SH2D4A: variants seen among roughly 807,000 people sequenced by gnomAD.
SH2D4A encodes SH2 domain-containing protein 4A.
Under a neutral mutation model 64.7 loss-of-function variants are expected in SH2D4A, and 70 were observed. The observed-to-expected ratio is 1.08, with a 90% CI of 0.89 to 1.32. SH2D4A has a LOEUF of 1.32. Ranked by LOEUF, SH2D4A falls within the 40% of genes most tolerant of loss-of-function variation. SH2D4A has a pLI of 0.00. For missense variants in SH2D4A, 706 were observed against 540.1 expected (o/e 1.31, Z -3.04); for synonymous variants, 268 against 200.7 (o/e 1.34, Z -2.83).
chr8:19,329,497 A>C (rs1478135635), intron 2 of SH2D4A, among the ~76,000 whole-genome samples: 1 of 152,144 alleles, frequency 6.6e-6, no homozygotes, highest in Admixed American at 6.5e-5. Context: ...TCCTGAGGAC[A>C]GGGACTACTA....
chr8:19,378,948 G>A (rs1024595061), intron 8 of SH2D4A, among the ~76,000 whole-genome samples: 21 of 143,306 alleles, frequency 1.5e-4, no homozygotes, highest in African/African-American at 2.0e-4. Context: ...CAGGCATGGC[G>A]GTGCATGCCT....
At chr8:19,361,378 GT>G (rs1258046957) in intron 6 of SH2D4A, 64 bp downstream of exon 6, 18 of 1,498,290 alleles carry the variant, frequency 1.2e-5, no homozygotes, top group Non-Finnish European at 1.6e-5. Flanking sequence ...CCTTAATAAT[GT>G]GATCAATCTA....
intron 7 of SH2D4A, among the ~76,000 whole-genome samples, chr8:19,372,112 A>G (rs2053111510): frequency 6.6e-6 from 1 of 152,190 alleles, no homozygotes; most frequent in Non-Finnish European, 1.5e-5. Flanking sequence ...ATATCTGCAC[A>G]TTTAAGGATT....
intron 7 of SH2D4A, 86 bp from the exon 8 acceptor site, chr8:19,373,444 G>T (rs1004051978): frequency 1.8e-6 from 1 of 549,286 alleles, no homozygotes; most frequent in Admixed American, 3.9e-5. Flanking sequence ...ATGTGTGTGT[G>T]TATATATATA....
At position 19,363,106 on chromosome 8, in the gene SH2D4A, G is replaced by C. The variant is rs181427218; in HGVS notation, c.707-966G>C. ...TTTTATTTTTTTGAGATGGAGTTTC[G>C]CTCTTGTCACCCAGGCTGGAGTGCG... On this transcript the variant is annotated intron_variant, in intron 6 of 9. Transcript: ENST00000265807. Among the ~76,000 whole-genome samples the C allele has an allele frequency of 4.6e-5, 7 of 151,812 alleles. No homozygotes were observed. The East Asian group carries it at 1.4e-3, about 30-fold the overall frequency.
chr8:19,352,299 G>A (rs913133053), intron 4 of SH2D4A, among the ~76,000 whole-genome samples: 4 of 152,124 alleles, frequency 2.6e-5, no homozygotes, highest in Admixed American at 1.3e-4. Flanking sequence ...TAAGTTTAAC[G>A]GTAGTTATTA....
At chr8:19,335,229 A>G (rs934298006) in intron 4 of SH2D4A, among the ~76,000 whole-genome samples, 1 of 151,898 alleles carries the variant, frequency 6.6e-6, no homozygotes, top group Admixed American at 6.6e-5. Flanking sequence ...TGGAGCTTGC[A>G]GTGAGCCGAG....
rs527594733 is a variant in SH2D4A at position 19,393,353 on chromosome 8, C to T, written c.1084C>T (p.Leu362=). The part of the protein sequence containing the change: ...LTLKKANELL[L]STGMPGSFLI... ...ACTCAAGAAAGCAAATGAACTTCTTCTGAGCACAGGCATGCCCGGCAGTTT... is the reference window on the plus strand; with the variant it reads ...ACTCAAGAAAGCAAATGAACTTCTTTTGAGCACAGGCATGCCCGGCAGTTT... The change falls in exon 9 of 10, where the codon CTG becomes TTG. Residue 362 remains leucine (L), a synonymous_variant. Coordinates refer to ENST00000265807, the MANE Select transcript of SH2D4A (RefSeq NM_022071.4). 6.2e-7 allele frequency: 1 copy of T among 1,614,104 alleles called. No individual in the cohort carries two copies. The highest frequency in any genetic ancestry group is 1.1e-5 in the South Asian group (1 of 91,084).
chr8:19,333,909 G>A (rs1271952677), intron 3 of SH2D4A, among the ~76,000 whole-genome samples: 3 of 152,194 alleles, frequency 2.0e-5, no homozygotes, highest in African/African-American at 2.4e-5. Flanking sequence ...TTTGGGGAAT[G>A]ATGAGGTCTT....
At chr8:19,340,084 A>G (rs1034686250) in intron 4 of SH2D4A, among the ~76,000 whole-genome samples, 4 of 152,168 alleles carry the variant, frequency 2.6e-5, no homozygotes, top group African/African-American at 7.2e-5. Flanking sequence ...GGAGCCAAGG[A>G]TGGCTTTGCA....
In SH2D4A at chr8:19,344,884, C is replaced by T. The variant is rs142247589; in HGVS notation, c.513+10027C>T. Among the ~76,000 whole-genome samples, 281 of 152,262 alleles carry T rather than the reference C, an allele frequency of 1.8e-3. 1 individual carries two copies. The highest frequency in any genetic ancestry group is 5.9e-3 in the African/African-American group (245 of 41,542). On this transcript the variant is annotated intron_variant, in intron 4 of 9. Transcript: ENST00000265807. ...ACTCTGTAAACAAATGCTGTAGTTA[C>T]TGTAAATAGCCTCGTTAGTTCAAGT...
rs1239730131 is a variant in SH2D4A at position 19,337,597 on chromosome 8, A to T, written c.513+2740A>T. On this transcript the variant is annotated intron_variant, in intron 4 of 9. Coordinates refer to ENST00000265807, the MANE Select transcript of SH2D4A (RefSeq NM_022071.4). ...TGCTGCTGATAAAGACATACCCAAG[A>T]TTGGGCAGTTTACAAAACAAAGAGG... Among the ~76,000 whole-genome samples the T allele has an allele frequency of 2.0e-5, 3 of 152,150 alleles. No homozygotes were observed. In the East Asian group the frequency reaches 5.8e-4, roughly 29 times the overall value.
intron 8 of SH2D4A, chr8:19,375,422 A>G (rs2053176664): frequency 1.3e-5 from 2 of 152,178 alleles, no homozygotes; most frequent in Admixed American, 6.5e-5. Context: ...CACATCCACC[A>G]TGAGTTACCC....
At chr8:19,340,049 T>A (rs1028296566) in intron 4 of SH2D4A, among the ~76,000 whole-genome samples, 1 of 152,148 alleles carries the variant, frequency 6.6e-6, no homozygotes, top group African/African-American at 2.4e-5. Context: ...TCACCCCAAT[T>A]ACATTAGCAC....
chr8:19,366,796 A>G (rs145728119), intron 7 of SH2D4A, among the ~76,000 whole-genome samples: 2 of 152,184 alleles, frequency 1.3e-5, no homozygotes, highest in Non-Finnish European at 1.5e-5. Flanking sequence ...TGTCTCAACA[A>G]CAACAAAAAA....
chr8:19,357,986 C>G (rs902288419), intron 5 of SH2D4A, among the ~76,000 whole-genome samples: 2 of 152,066 alleles, frequency 1.3e-5, no homozygotes, highest in African/African-American at 4.8e-5. Flanking sequence ...TGGACCATGC[C>G]ATGAATTCCA....
chr8:19,392,555 C>T (rs1438452496), intron 8 of SH2D4A, among the ~76,000 whole-genome samples: 1 of 152,002 alleles, frequency 6.6e-6, no homozygotes, highest in African/African-American at 2.4e-5. Flanking sequence ...CAAGTCAAAT[C>T]ACTCCCCAGG....
chr8:19,379,186 C>A (rs937597996), intron 8 of SH2D4A, among the ~76,000 whole-genome samples: 2 of 152,098 alleles, frequency 1.3e-5, no homozygotes, highest in African/African-American at 2.4e-5. Flanking sequence ...TCACCACCAA[C>A]CCCCAGCCCC....
chr8:19,338,260 G>A (rs1216303197), intron 4 of SH2D4A, among the ~76,000 whole-genome samples: 1 of 152,158 alleles, frequency 6.6e-6, no homozygotes, highest in African/African-American at 2.4e-5. Flanking sequence ...TTTGAATCCT[G>A]CATCCCTCAC....
Sources: gnomAD v4.1 joint callset for allele counts (sites outside exome capture counted in the v4.1 genomes callset) on GRCh38, gnomAD v4.1.1 for gene constraint, MANE v1.5 for transcripts, NCBI Gene and HGNC (gene_info 2026-07-23, HGNC 2026-07-21) for gene names.